The following WDR35 variants were observed in gnomAD, a reference collection of about 807,000 sequenced individuals.
WDR35 encodes the protein WD repeat-containing protein 35.
WDR35 carries 118 observed loss-of-function variants against 158.3 expected under a neutral mutation model. The observed-to-expected ratio is 0.75, with a 90% CI of 0.64 to 0.87. The LOEUF (loss-of-function observed/expected upper bound fraction) is 0.87. WDR35 is among the 40% of genes least tolerant of loss of function. The probability of loss-of-function intolerance (pLI) is 0.00; values close to 1 mark genes in which losing one functional copy is unlikely to be tolerated. For synonymous variants in WDR35, 448 were observed against 476.1 expected (o/e 0.94, Z 0.77); for missense variants, 1,263 against 1,405.8 (o/e 0.90, Z 1.62).
intron 4 of WDR35, among the ~76,000 whole-genome samples, chr2:19,979,625 G>T (rs548627139): frequency 2.6e-5 from 4 of 152,142 alleles, no homozygotes; most frequent in African/African-American, 9.7e-5. Flanking sequence ...ACTCTGGCCT[G>T]CAGCCAAGCA....
chr2:19,913,816 AT>A, intron 26 of WDR35, 108 bp from the exon 27 acceptor site: 1 of 1,485,470 alleles, frequency 6.7e-7, no homozygotes, highest in Non-Finnish European at 9.1e-7. Flanking sequence ...TGAGATGAAC[AT>A]CAAATACTTT....
At chr2:19,922,653 A>G (rs368903533) in intron 25 of WDR35, among the ~76,000 whole-genome samples, 2 of 152,188 alleles carry the variant, frequency 1.3e-5, no homozygotes, top group East Asian at 3.8e-4. Context: ...CCACCAACGC[A>G]TGTGTATACC....
intron 8 of WDR35, among the ~76,000 whole-genome samples, chr2:19,971,118 T>C (rs552699732): frequency 1.3e-5 from 2 of 152,358 alleles, no homozygotes; most frequent in Admixed American, 6.5e-5. Context: ...TTTTTTAATG[T>C]GGCTATAAGG....
chr2:19,928,154 C>T (rs558092806), intron 25 of WDR35, among the ~76,000 whole-genome samples: 88 of 152,298 alleles, frequency 5.8e-4, no homozygotes, highest in African/African-American at 1.8e-3. Flanking sequence ...ACACCTGGCC[C>T]GCCCAGGGCA....
intron 17 of WDR35, among the ~76,000 whole-genome samples, chr2:19,940,365 GA>G (rs747417887): frequency 1.7e-4 from 25 of 149,386 alleles, no homozygotes; most frequent in East Asian, 9.8e-4. Context: ...AAACCCTGCT[GA>G]AAAAAAAACA....
intron 25 of WDR35, among the ~76,000 whole-genome samples, chr2:19,923,796 A>C (rs542235405): frequency 7.2e-4 from 110 of 152,332 alleles, no homozygotes; most frequent in African/African-American, 2.6e-3. Context: ...GAAATATTAC[A>C]GCTACATTTG....
In WDR35 at chr2:19,978,807, CCGT is replaced by C. The variant is rs778668106; in HGVS notation, c.377_379del (p.Asp126del). On this transcript the variant is annotated inframe_deletion, in exon 5 of 27. Coordinates refer to ENST00000281405, the MANE Select transcript of WDR35 (RefSeq NM_020779.4). The stretch of plus-strand genomic sequence containing the variant: ...TTCATATACAATGCAGATCTTCTGT[CCGT>C]CAGCATTCCAGCTCATACTGCGAAC... The C allele has an allele frequency of 6.2e-7, 1 of 1,613,928 alleles. No individual in the cohort carries two copies. The highest frequency in any genetic ancestry group is 2.2e-5 in the East Asian group (1 of 44,832).
intron 25 of WDR35, among the ~76,000 whole-genome samples, chr2:19,920,003 C>A (rs1670120091): frequency 6.6e-6 from 1 of 152,134 alleles, no homozygotes; most frequent in Admixed American, 6.5e-5. Context: ...AATTCCTGGA[C>A]ACATACACCC....
chr2:19,941,933 G>T (rs752555847), intron 16 of WDR35, 94 bp from the exon 17 acceptor site: 32 of 921,212 alleles, frequency 3.5e-5, no homozygotes, highest in Non-Finnish European at 5.0e-5. Flanking sequence ...GAGTTTTCAG[G>T]TAAACAAAAG....
chr2:19,923,277 G>C (rs1169353451), intron 25 of WDR35, among the ~76,000 whole-genome samples: 4 of 152,130 alleles, frequency 2.6e-5, no homozygotes, highest in Admixed American at 6.6e-5. Flanking sequence ...TCCACCGTGG[G>C]GGCTTGAATC....
intron 1 of WDR35, 48 bp downstream of exon 1, chr2:19,989,944 A>G (rs1302097305): frequency 6.2e-7 from 1 of 1,611,538 alleles, no homozygotes; most frequent in Non-Finnish European, 8.5e-7. Context: ...GAATCGCCGC[A>G]GGCTGCGGGA....
chr2:19,926,072 G>T (rs904520568), intron 25 of WDR35, among the ~76,000 whole-genome samples: 2 of 152,182 alleles, frequency 1.3e-5, no homozygotes, highest in Non-Finnish European at 1.5e-5. Flanking sequence ...GAATTCTCCA[G>T]TTTGCGTAAT....
intron 2 of WDR35, among the ~76,000 whole-genome samples, chr2:19,987,823 CA>C (rs34794090): frequency 0.012 from 675 of 57,150 alleles, no homozygotes; most frequent in Middle Eastern, 0.033. Flanking sequence ...AACTCTGTCT[CA>C]AAAAAAAAAA....
In WDR35 at chr2:19,974,527, C is replaced by T. The variant is rs967506031; in HGVS notation, c.677G>A (p.Cys226Tyr). The T allele has an allele frequency of 1.2e-6, 2 of 1,612,570 alleles. No individual in the cohort carries two copies. The highest frequency in any genetic ancestry group is 1.7e-6 in the Non-Finnish European group (2 of 1,179,136). Residue 226 changes from cysteine to tyrosine, a missense_variant, in exon 7 of 27, where the codon TGC (cysteine) becomes TAC (tyrosine). Transcript: ENST00000281405. ...TCCATTATCAAAGCAAACAGCAAGG[C>T]AAGGGCAATCAGGCTCCACGTAGCC... The part of the protein sequence containing the change: ...TEGYVEPDCP[C>Y]LAVCFDNGRC...
At position 19,932,449 on chromosome 2, in the gene WDR35, T is replaced by G; in HGVS notation, c.2659-2A>C. The G allele has an allele frequency of 6.2e-7, 1 of 1,613,190 alleles. No individual in the cohort carries two copies. Among genetic ancestry groups the G allele is most frequent in the Non-Finnish European group, 8.5e-7 (1 of 1,179,458 alleles). ...AGCCAATTCAACAGCTTTGTTCCACTAGGAGAAAAATTACACCATTCAGTC... is the reference window on the plus strand; with the variant it reads ...AGCCAATTCAACAGCTTTGTTCCACGAGGAGAAAAATTACACCATTCAGTC... On this transcript the variant is annotated splice_acceptor_variant, in intron 22 of 26. Coordinates refer to ENST00000281405, the MANE Select transcript of WDR35 (RefSeq NM_020779.4). LOFTEE classifies it high-confidence loss of function.
intron 19 of WDR35, among the ~76,000 whole-genome samples, chr2:19,936,651 G>T (rs1369342364): frequency 6.6e-6 from 1 of 152,130 alleles, no homozygotes; most frequent in Non-Finnish European, 1.5e-5. Context: ...CTGCCCTTAT[G>T]AATTGATTAA....
intron 4 of WDR35, among the ~76,000 whole-genome samples, chr2:19,979,524 T>TTGTCTTTTAGCATA (rs1461788308): frequency 1.3e-5 from 2 of 152,218 alleles, no homozygotes; most frequent in African/African-American, 4.8e-5. Flanking sequence ...GAGATGTAAC[T>TTGTCTTTTAGCATA]TGTCTTTTAG....
chr2:19,930,424 C>A lies in WDR35; in HGVS notation c.3093G>T (p.Glu1031Asp), dbSNP rs1227349600. The A allele has an allele frequency of 1.2e-6, 2 of 1,614,170 alleles. No individual in the cohort carries two copies. Among genetic ancestry groups the A allele is most frequent in the Admixed American group, 1.7e-5 (1 of 60,022 alleles). The change falls in exon 25 of 27, where the codon GAG becomes GAT. Residue 1031 changes from glutamate (E) to aspartate (D), a missense_variant. Physicochemically the swap from Glu to Asp is conservative, Grantham distance 45. Transcript: ENST00000281405. ...TCTTCAGTGCAGTGTCCACACATCCCTCATAGAGCTGCCTCTGTGCAAGTA... is the reference window on the plus strand; with the variant it reads ...TCTTCAGTGCAGTGTCCACACATCCATCATAGAGCTGCCTCTGTGCAAGTA... ...FFILAQRQLY[E>D]GCVDTALKTA... is the part of the protein sequence containing the mutation.
At chr2:19,932,980 A>G (rs988140327) in intron 22 of WDR35, among the ~76,000 whole-genome samples, 1 of 152,250 alleles carries the variant, frequency 6.6e-6, no homozygotes, top group African/African-American at 2.4e-5. Context: ...AGGAAAAGGA[A>G]AACAGATTTG....
Sources: gnomAD v4.1 joint callset for allele counts (sites outside exome capture counted in the v4.1 genomes callset) on GRCh38, gnomAD v4.1.1 for gene constraint, MANE v1.5 for transcripts, NCBI Gene and HGNC (gene_info 2026-07-23, HGNC 2026-07-21) for gene names.